Variants in RIMS2 observed in about 807,000 individuals in gnomAD.
RIMS2 encodes the protein regulating synaptic membrane exocytosis 2, also known as regulating synaptic membrane exocytosis protein 2.
Under a neutral mutation model 174.4 loss-of-function variants are expected in RIMS2, and 59 were observed. The observed-to-expected ratio is 0.34, with a 90% CI of 0.27 to 0.42. The LOEUF is 0.42. RIMS2 is among the 10% of genes least tolerant of loss of function. The pLI, the probability that RIMS2 is intolerant of heterozygous loss-of-function variation, is 1.00. For synonymous variants in RIMS2, 606 were observed against 572.5 expected (o/e 1.06, Z -0.84); for missense variants, 1,620 against 1,666.3 (o/e 0.97, Z 0.48).
intron 3 of RIMS2, among the ~76,000 whole-genome samples, chr8:103,779,019 A>T (rs2098353202): frequency 6.6e-6 from 1 of 152,138 alleles, no homozygotes; most frequent in South Asian, 2.1e-4. Context: ...CATTTTTCAT[A>T]TACCTGTTGG....
At chr8:103,988,806 G>A (rs917171637) in intron 16 of RIMS2, among the ~76,000 whole-genome samples, 2 of 152,148 alleles carry the variant, frequency 1.3e-5, no homozygotes, top group African/African-American at 4.8e-5. Flanking sequence ...AGTTTGGACT[G>A]GAGTGGTATC....
At chr8:103,649,324 G>T (rs1414493012) in intron 1 of RIMS2, among the ~76,000 whole-genome samples, 1 of 152,108 alleles carries the variant, frequency 6.6e-6, no homozygotes, top group Non-Finnish European at 1.5e-5. Context: ...AGTCTGATGG[G>T]CTGCATTTTG....
chr8:104,067,690 C>T lies in RIMS2; in HGVS notation c.3334+53075C>T, dbSNP rs141101658. ...TACAGGCATGAGCCACTGTGCCTGC[C>T]CCATAAATATACTTCCAAAATGCTT... On this transcript the variant is annotated intron_variant, in intron 19 of 23. Transcript: ENST00000504942. Among the ~76,000 whole-genome samples the T allele has an allele frequency of 1.3e-3, 192 of 152,204 alleles. 2 individuals are homozygous for T. The highest frequency in any genetic ancestry group is 4.5e-3 in the African/African-American group (185 of 41,534).
At chr8:103,551,916 A>G (rs1426954000) in intron 1 of RIMS2, among the ~76,000 whole-genome samples, 3 of 152,106 alleles carry the variant, frequency 2.0e-5, no homozygotes, top group East Asian at 1.9e-4. Context: ...ACCTCTTCAA[A>G]GAGAACTACA....
chr8:103,757,803 G>C (rs955610867), intron 2 of RIMS2, among the ~76,000 whole-genome samples: 2 of 152,318 alleles, frequency 1.3e-5, no homozygotes, highest in South Asian at 2.1e-4. Context: ...AGATTTAACA[G>C]AGAGAGTTCG....
Position 103,743,623 on chromosome 8 carries a change from CAT to C in RIMS2, c.388-22599_388-22598del, listed in dbSNP as rs1352168501. Among the ~76,000 whole-genome samples, 6 of 152,058 alleles carry C rather than the reference CAT, an allele frequency of 3.9e-5. No individual in the cohort carries two copies. The East Asian group carries it at 9.7e-4, about 24-fold the overall frequency. The stretch of plus-strand genomic sequence containing the variant: ...CTTTTGTTTACATTTATATTGTAAA[CAT>C]ATATTAATTTATGCTCTAAGGAAGT... On this transcript the variant is annotated intron_variant, in intron 2 of 23. Coordinates refer to ENST00000504942, the Ensembl canonical transcript of RIMS2.
chr8:103,789,574 G>T (rs939850366), intron 3 of RIMS2, among the ~76,000 whole-genome samples: 10 of 152,136 alleles, frequency 6.6e-5, no homozygotes, highest in African/African-American at 2.4e-4. Context: ...CATTCAAGGG[G>T]AGGGATGATG....
At chr8:103,577,682 A>G (rs2093345887) in intron 1 of RIMS2, among the ~76,000 whole-genome samples, 1 of 152,244 alleles carries the variant, frequency 6.6e-6, no homozygotes, top group South Asian at 2.1e-4. Context: ...TTTACACAAT[A>G]TGAATGAAAA....
intron 16 of RIMS2, among the ~76,000 whole-genome samples, chr8:103,984,856 A>T (rs2094216768): frequency 6.6e-6 from 1 of 152,246 alleles, no homozygotes; most frequent in African/African-American, 2.4e-5. Flanking sequence ...CTATTCAGCC[A>T]GAAAGAAATG....
chr8:103,595,702 T>C (rs2094454902), intron 1 of RIMS2, among the ~76,000 whole-genome samples: 1 of 151,922 alleles, frequency 6.6e-6, no homozygotes, highest in Admixed American at 6.6e-5. Context: ...AGTCAGTTCA[T>C]TCTTCTTGGG....
intron 1 of RIMS2, among the ~76,000 whole-genome samples, chr8:103,521,137 G>C (rs1449603294): frequency 3.0e-5 from 4 of 133,436 alleles, no homozygotes; most frequent in African/African-American, 1.1e-4. Flanking sequence ...GACTGTTGTG[G>C]GGTGAAGGGA....
chr8:103,764,302 T>C (rs1439437084), intron 2 of RIMS2, among the ~76,000 whole-genome samples: 1 of 152,242 alleles, frequency 6.6e-6, no homozygotes, highest in Non-Finnish European at 1.5e-5. Flanking sequence ...ACTCTGAGTG[T>C]GACCTAATTC....
intron 2 of RIMS2, among the ~76,000 whole-genome samples, chr8:103,727,457 G>GT (rs572192757): frequency 3.1e-4 from 46 of 148,100 alleles, no homozygotes; most frequent in Middle Eastern, 3.5e-3. Context: ...AAGTGCAGAA[G>GT]TTTTTTTTTT....
At chr8:104,235,261 C>T (rs940551585) in intron 19 of RIMS2, among the ~76,000 whole-genome samples, 5 of 152,040 alleles carry the variant, frequency 3.3e-5, no homozygotes, top group African/African-American at 9.7e-5. Flanking sequence ...GTCCAAAATA[C>T]TAAGTGAAGA....
At chr8:104,143,452 C>T (rs2098602583) in intron 19 of RIMS2, among the ~76,000 whole-genome samples, 1 of 152,046 alleles carries the variant, frequency 6.6e-6, no homozygotes, top group Non-Finnish European at 1.5e-5. Context: ...AGACATTTAT[C>T]CAATTACTGC....
At chr8:104,230,970 A>G (rs185713792) in intron 19 of RIMS2, among the ~76,000 whole-genome samples, 1 of 152,376 alleles carries the variant, frequency 6.6e-6, no homozygotes, top group East Asian at 1.9e-4. Flanking sequence ...CACATGAATA[A>G]AAACTTTCAA....
chr8:103,819,841 C>T (rs188326717), intron 3 of RIMS2, among the ~76,000 whole-genome samples: 120 of 152,222 alleles, frequency 7.9e-4, no homozygotes, highest in African/African-American at 2.7e-3. Flanking sequence ...ATTTAACTAG[C>T]TTGACCTCTG....
intron 1 of RIMS2, among the ~76,000 whole-genome samples, chr8:103,532,250 T>TG (rs369380570): frequency 4.3e-4 from 65 of 152,338 alleles, no homozygotes; most frequent in African/African-American, 1.5e-3. Context: ...CTCTGAGATG[T>TG]GGTCCCAGGA....
chr8:103,913,258 G>A (rs1245138618), intron 6 of RIMS2, among the ~76,000 whole-genome samples: 2 of 151,586 alleles, frequency 1.3e-5, no homozygotes, highest in African/African-American at 2.4e-5. Context: ...GATTACAGGC[G>A]TGAGCCACTG....
Sources: allele counts gnomAD v4.1 joint callset (sites outside exome capture counted in the v4.1 genomes callset), GRCh38; gene constraint gnomAD v4.1.1; transcripts MANE v1.5; gene names NCBI Gene and HGNC (gene_info 2026-07-23, HGNC 2026-07-21).